Variants in ATRX observed in about 807,000 individuals in gnomAD.
The protein encoded by ATRX is ATRX chromatin remodeler.
ATRX carries 12 observed loss-of-function variants against 172.6 expected under a neutral mutation model. The ratio of observed to expected loss-of-function variants is 0.07; its 90% CI spans 0.04 to 0.11. ATRX has a LOEUF of 0.11. Ranked by LOEUF, ATRX falls within the 10% of genes least tolerant of loss-of-function variation. ATRX has a pLI of 1.00. For synonymous variants in ATRX, 674 were observed against 594.7 expected, an observed-to-expected ratio of 1.13 and a Z score of -1.94; for missense variants, 1,368 against 1,767.4, an observed-to-expected ratio of 0.77 and a Z score of 4.05.
intron 22 of ATRX, among the ~76,000 whole-genome samples, chrX:77,611,357 T>C: frequency 8.9e-6 from 1 of 111,910 alleles, no homozygotes; most frequent in South Asian, 3.7e-4. Flanking sequence ...AGAGGGCTCA[T>C]TTCTCTATAG....
At chrX:77,774,545 C>T (rs902617664) in intron 1 of ATRX, among the ~76,000 whole-genome samples, 7 of 109,767 alleles carry the variant, frequency 6.4e-5, no homozygotes, top group African/African-American at 2.3e-4. Flanking sequence ...GGCGTGATGG[C>T]GGGAACCTGT....
chrX:77,674,124 C>T (rs1371376997), intron 10 of ATRX: 2 of 111,022 alleles, frequency 1.8e-5, no homozygotes, highest in Non-Finnish European at 3.8e-5. Context: ...CATACAATTA[C>T]AATATGCTGT....
chrX:77,585,625 G>GAAAAAAAAAAA (rs2065987998), intron 27 of ATRX, among the ~76,000 whole-genome samples: 1 of 26,040 alleles, frequency 3.8e-5, no homozygotes, highest in Non-Finnish European at 9.6e-5. Flanking sequence ...AAAAAAAAAG[G>GAAAAAAAAAAA]ATCCAGCAAT....
intron 21 of ATRX, among the ~76,000 whole-genome samples, chrX:77,618,282 A>AT (rs782766340): frequency 8.9e-6 from 1 of 111,986 alleles, no homozygotes; most frequent in South Asian, 3.7e-4. Context: ...TTATCCATTC[A>AT]TTAATATAGA....
Position 77,786,209 on chromosome X carries a change from G to A in ATRX, c.-208C>T. On this transcript the variant is annotated 5_prime_UTR_variant, in exon 1 of 35. Coordinates refer to ENST00000373344, the MANE Select transcript of ATRX (RefSeq NM_000489.6). Reference sequence around the variant, plus strand: ...ACACCGCTGCCGCCGCCATTTTGTTGGGCCGAGGCTCAGGCAGGAGAATTG... The same window carrying A: ...ACACCGCTGCCGCCGCCATTTTGTTAGGCCGAGGCTCAGGCAGGAGAATTG... 1 of 430,205 alleles carries A rather than the reference G, an allele frequency of 2.3e-6. No individual in the cohort carries two copies. The highest frequency in any genetic ancestry group is 4.0e-6 in the Non-Finnish European group (1 of 251,136). The allele number at this position is 430,205 out of a possible 1,213,427, so 35.5% of individuals were successfully genotyped here.
intron 1 of ATRX, among the ~76,000 whole-genome samples, chrX:77,784,993 G>A (rs782696746): frequency 9.0e-6 from 1 of 111,233 alleles, no homozygotes; most frequent in Non-Finnish European, 1.9e-5. Context: ...AAACTGAAAC[G>A]CCAGCCAGCC....
At chrX:77,762,922 A>C (rs978059801) in intron 1 of ATRX, among the ~76,000 whole-genome samples, 26 of 111,169 alleles carry the variant, frequency 2.3e-4, no homozygotes, top group African/African-American at 8.5e-4. Context: ...AAATCAACTT[A>C]TCTTTTTGCA....
At chrX:77,616,375 C>A (rs1263723761) in intron 22 of ATRX, 1 of 998,044 alleles carries the variant, frequency 1.0e-6, no homozygotes, top group Non-Finnish European at 1.3e-6. Flanking sequence ...AAGCTCTTTA[C>A]AAATTAAGGG....
intron 1 of ATRX, among the ~76,000 whole-genome samples, chrX:77,741,607 G>A (rs2072593761): frequency 1.8e-5 from 2 of 110,599 alleles, no homozygotes; most frequent in South Asian, 3.8e-4. Context: ...GACTACAGGT[G>A]CGCGCCACCA....
In ATRX at chrX:77,682,697, C is replaced by G. The variant is rs1373398805; in HGVS notation, c.2559G>C (p.Glu853Asp). 2.5e-6 allele frequency: 3 copies of G among 1,207,295 alleles called. No individual in the cohort carries two copies. Among genetic ancestry groups the G allele is most frequent in the Non-Finnish European group, 3.4e-6 (3 of 894,804 alleles). ...NTKDFDSSED[E>D]KHSKKGMDNQ... Reference sequence around the variant, plus strand: ...TATCCATTCCTTTTTTGCTGTGTTTCTCATCTTCAGAAGAGTCAAAATCTT... The same window carrying G: ...TATCCATTCCTTTTTTGCTGTGTTTGTCATCTTCAGAAGAGTCAAAATCTT... Residue 853 changes from glutamate to aspartate, a missense_variant, in exon 9 of 35, where the codon GAG (glutamate) becomes GAC (aspartate). Coordinates refer to ENST00000373344, the MANE Select transcript of ATRX (RefSeq NM_000489.6).
chrX:77,711,626 T>C (rs2073115484), intron 2 of ATRX, among the ~76,000 whole-genome samples: 2 of 111,942 alleles, frequency 1.8e-5, no homozygotes, highest in African/African-American at 3.2e-5. Flanking sequence ...CCTGAAGTCA[T>C]GAGTTCAAGA....
At chrX:77,746,912 T>A (rs1374733692) in intron 1 of ATRX, among the ~76,000 whole-genome samples, 2 of 110,981 alleles carry the variant, frequency 1.8e-5, no homozygotes, top group Non-Finnish European at 3.8e-5. Flanking sequence ...GCAATTCTCC[T>A]GCCTCAGCCT....
intron 22 of ATRX, among the ~76,000 whole-genome samples, chrX:77,613,014 C>T (rs2067221135): frequency 1.8e-5 from 2 of 111,534 alleles, no homozygotes; most frequent in South Asian, 7.5e-4. Context: ...ATTTGGGTTG[C>T]TTCCACCTTT....
chrX:77,582,416 A>C (rs781827830), intron 27 of ATRX, among the ~76,000 whole-genome samples: 5 of 111,233 alleles, frequency 4.5e-5, no homozygotes, highest in African/African-American at 1.6e-4. Flanking sequence ...AAAGAAAAAA[A>C]AAACAAAAAA....
intron 27 of ATRX, among the ~76,000 whole-genome samples, chrX:77,584,578 G>C (rs1172314473): frequency 9.0e-6 from 1 of 111,158 alleles, no homozygotes; most frequent in Non-Finnish European, 1.9e-5. Flanking sequence ...TTCAGCAAAT[G>C]GTGCTGGGGA....
intron 30 of ATRX, among the ~76,000 whole-genome samples, chrX:77,538,399 T>C (rs2063836262): frequency 9.0e-6 from 1 of 110,898 alleles, no homozygotes; most frequent in African/African-American, 3.3e-5. Context: ...TTCTCACTTA[T>C]AAGTGGGGGC....
chrX:77,679,065 T>C (rs1444964025), intron 9 of ATRX, among the ~76,000 whole-genome samples: 2 of 111,198 alleles, frequency 1.8e-5, no homozygotes, highest in African/African-American at 6.5e-5. Flanking sequence ...TACATAAGCA[T>C]GTAAGTAAAT....
intron 30 of ATRX, among the ~76,000 whole-genome samples, chrX:77,548,226 G>A (rs1046665195): frequency 4.5e-5 from 5 of 111,317 alleles, no homozygotes; most frequent in African/African-American, 1.6e-4. Context: ...AACAAAAAAC[G>A]AATAGGACAC....
At position 77,683,414 on chromosome X, in the gene ATRX, G is replaced by A. The variant is rs2071364653; in HGVS notation, c.1842C>T (p.Gly614=). Reference sequence around the variant, plus strand: ...TGGGGTTCAGACCACAACTTTTATAGCCATCTTTATCTTGTGGAACTTCCT... The same window carrying A: ...TGGGGTTCAGACCACAACTTTTATAACCATCTTTATCTTGTGGAACTTCCT... ...DCQEVPQDKD[G]YKSCGLNPKL... is the part of the protein sequence containing the mutation. The change falls in exon 9 of 35, where the codon GGC becomes GGT. Residue 614 remains glycine (G), a synonymous_variant. Coordinates refer to ENST00000373344, the MANE Select transcript of ATRX (RefSeq NM_000489.6). The A allele has an allele frequency of 1.7e-6, 2 of 1,209,656 alleles. No homozygotes were observed. Among genetic ancestry groups the A allele is most frequent in the Non-Finnish European group, 1.1e-6 (1 of 893,699 alleles).
Sources: gnomAD v4.1 joint callset for allele counts (sites outside exome capture counted in the v4.1 genomes callset) on GRCh38, gnomAD v4.1.1 for gene constraint, MANE v1.5 for transcripts, NCBI Gene and HGNC (gene_info 2026-07-23, HGNC 2026-07-21) for gene names.